NOTCH2: variants seen among roughly 807,000 people sequenced by gnomAD.
NOTCH2 encodes neurogenic locus notch homolog protein 2.
In NOTCH2, 29 loss-of-function variants were observed where a neutral mutation model predicts 235.8. That is an observed-to-expected ratio of 0.12 (90% CI 0.09 to 0.17). NOTCH2 has a LOEUF of 0.17. NOTCH2 is among the 10% of genes least tolerant of loss of function. The pLI is 1.00. For missense variants in NOTCH2, 2,285 were observed against 3,150.2 expected (o/e 0.73, Z 6.57); for synonymous variants, 1,086 against 1,141.5 (o/e 0.95, Z 0.98).
intron 30 of NOTCH2, 69 bp from the exon 31 acceptor site, chr1:119,919,682 C>T (rs1649204654): frequency 7.0e-7 from 1 of 1,433,776 alleles, no homozygotes; most frequent in Non-Finnish European, 9.7e-7. Flanking sequence ...GTTGAAACAG[C>T]TCTATTTGAC....
At chr1:119,986,818 A>G (rs1344806234) in intron 5 of NOTCH2, 142 bp downstream of exon 5, 2 of 1,022,374 alleles carry the variant, frequency 2.0e-6, no homozygotes, top group Non-Finnish European at 3.0e-6. Context: ...ATAAGCAATG[A>G]TCTAGCATGG....
At chr1:119,999,727 C>CA (rs1652633407) in intron 3 of NOTCH2, among the ~76,000 whole-genome samples, 1 of 152,034 alleles carries the variant, frequency 6.6e-6, no homozygotes, top group South Asian at 2.1e-4. Context: ...TCTAAAAATA[C>CA]AAAAATTAGC....
At chr1:119,982,242 G>C (rs1651840405) in intron 5 of NOTCH2, among the ~76,000 whole-genome samples, 1 of 152,180 alleles carries the variant, frequency 6.6e-6, no homozygotes, top group African/African-American at 2.4e-5. Flanking sequence ...AGTTTTCTTT[G>C]ACTCATATCC....
chr1:119,925,119 A>G (rs909783358), intron 25 of NOTCH2, among the ~76,000 whole-genome samples, 186 bp downstream of exon 25: 4 of 152,212 alleles, frequency 2.6e-5, no homozygotes, highest in African/African-American at 9.6e-5. Context: ...TCATTATGCA[A>G]TGAGCATTCC....
intron 4 of NOTCH2, among the ~76,000 whole-genome samples, chr1:119,987,429 C>T (rs880001398): frequency 5.3e-5 from 8 of 152,182 alleles, no homozygotes; most frequent in African/African-American, 1.4e-4. Context: ...TTTTCCCCAG[C>T]TCCATACCAG....
chr1:120,006,220 G>C (rs1431750747), intron 2 of NOTCH2, among the ~76,000 whole-genome samples: 1 of 152,044 alleles, frequency 6.6e-6, no homozygotes, highest in Non-Finnish European at 1.5e-5. Context: ...TACAGGAATG[G>C]GGAAGAGTTC....
intron 15 of NOTCH2, chr1:119,950,194 C>T (rs991991859): frequency 3.2e-6 from 1 of 317,088 alleles, no homozygotes; most frequent in African/African-American, 2.2e-5. Flanking sequence ...TTCAAAGAGA[C>T]CTACAGGTAA....
chr1:120,012,374 ATAC>A lies in NOTCH2; in HGVS notation c.156-6789_156-6787del, dbSNP rs1653234612. 3.4e-5 allele frequency among the ~76,000 whole-genome samples: 5 copies of A among 145,646 alleles called. No homozygotes were observed. The South Asian group carries it at 9.1e-4, about 27-fold the overall frequency. On this transcript the variant is annotated intron_variant, in intron 2 of 33. Coordinates refer to ENST00000256646, the MANE Select transcript of NOTCH2 (RefSeq NM_024408.4). ...TGTGTACTTTTTTAGAAGCCACAAA[ATAC>A]TACTATGTGCTATGGAATACACACT...
chr1:119,983,829 G>T (rs1453048185), intron 5 of NOTCH2, among the ~76,000 whole-genome samples: 1 of 152,050 alleles, frequency 6.6e-6, no homozygotes, highest in African/African-American at 2.4e-5. Context: ...TAACTATCAG[G>T]TTCTTCTCAT....
intron 28 of NOTCH2, 48 bp from the exon 29 acceptor site, chr1:119,921,857 A>G: frequency 6.8e-7 from 1 of 1,474,982 alleles, no homozygotes; most frequent in Non-Finnish European, 9.5e-7. Flanking sequence ...TCATAAACTA[A>G]TACAGTGGTT....
rs1343237062 is a variant in NOTCH2, at chr1:119,949,062, G to A, written c.2544C>T (p.Cys848=). ...AACTCTCAAAATTTGGTGACTCTTTGCAAACAGCAGCATTCTCACAAGGGT... is the reference window on the plus strand; with the variant it reads ...AACTCTCAAAATTTGGTGACTCTTTACAAACAGCAGCATTCTCACAAGGGT... ...SPNPCENAAV[C]KESPNFESYT... is the part of the protein sequence containing the mutation. Residue 848 remains cysteine, a synonymous_variant, in exon 16 of 34, where the codon TGC becomes TGT. Transcript: ENST00000256646. The A allele has an allele frequency of 6.2e-7, 1 of 1,614,172 alleles. No individual in the cohort carries two copies. Among genetic ancestry groups the A allele is most frequent in the Non-Finnish European group, 8.5e-7 (1 of 1,180,008 alleles).
At chr1:120,038,117 T>C (rs1654387219) in intron 1 of NOTCH2, among the ~76,000 whole-genome samples, 1 of 152,162 alleles carries the variant, frequency 6.6e-6, no homozygotes. Flanking sequence ...TTTCCTTTTA[T>C]TTTTCTCTTA....
chr1:120,066,176 T>A lies in NOTCH2; in HGVS notation c.73+3158A>T, dbSNP rs2799247. ...CTATATCTCTTACGTTAGCAATTTT[T>A]AAATTCCTTGAGTCAGAAGCGTTAA... is the stretch of plus-strand genomic sequence containing the variant. On this transcript the variant is annotated intron_variant, in intron 1 of 33. Transcript: ENST00000256646. Among the ~76,000 whole-genome samples the A allele has an allele frequency of 4.6e-5, 7 of 152,350 alleles. No individual in the cohort carries two copies. In the East Asian group the frequency reaches 7.7e-4, roughly 17 times the overall value.
chr1:120,038,122 CTCT>C (rs1292315715), intron 1 of NOTCH2, among the ~76,000 whole-genome samples: 14 of 151,588 alleles, frequency 9.2e-5, no homozygotes, highest in African/African-American at 3.1e-4. Context: ...TTTTATTTTT[CTCT>C]TATTAAAGAC....
chr1:120,029,222 G>A (rs587672437), intron 2 of NOTCH2, among the ~76,000 whole-genome samples: 20 of 149,734 alleles, frequency 1.3e-4, no homozygotes, highest in African/African-American at 4.4e-4. Context: ...ATACTGGGCC[G>A]AATATTAAAG....
rs960801500 is a variant in NOTCH2, at chr1:119,954,797, G to T, written c.2219+243C>A. On this transcript the variant is annotated intron_variant, in intron 13 of 33. Coordinates refer to ENST00000256646, the MANE Select transcript of NOTCH2 (RefSeq NM_024408.4). ...TATGGGTTCCTCCCATGAGGTCCTT[G>T]CTAATGACCCATATAAGGGAGACAT... 2.0e-5 allele frequency among the ~76,000 whole-genome samples: 3 copies of T among 152,176 alleles called. No individual in the cohort carries two copies. In the East Asian group the frequency reaches 5.8e-4, roughly 29 times the overall value.
chr1:119,959,272 C>A, intron 12 of NOTCH2, 120 bp downstream of exon 12: 1 of 722,378 alleles, frequency 1.4e-6, no homozygotes, highest in East Asian at 2.6e-5. Flanking sequence ...GAGAAACAGA[C>A]TACTAACCCT....
At chr1:119,933,473 T>C (rs1649736602) in intron 22 of NOTCH2, among the ~76,000 whole-genome samples, 1 of 152,214 alleles carries the variant, frequency 6.6e-6, no homozygotes. Flanking sequence ...AAGAAATTCA[T>C]ACCTACATAC....
chr1:119,915,275 A>G lies in NOTCH2; in HGVS notation c.*31T>C, dbSNP rs1264557409. The G allele has an allele frequency of 6.2e-6, 10 of 1,608,496 alleles. No individual in the cohort carries two copies. Among genetic ancestry groups the G allele is most frequent in the Non-Finnish European group, 7.6e-6 (9 of 1,177,430 alleles). On this transcript the variant is annotated 3_prime_UTR_variant, in exon 34 of 34. Coordinates refer to ENST00000256646, the MANE Select transcript of NOTCH2 (RefSeq NM_024408.4). ...TTCCTCAGCAGCATTTACAAAAGTC[A>G]GTTATGTCTCTACACTGGAGGTGGA...
Sources: allele counts gnomAD v4.1 joint callset (sites outside exome capture counted in the v4.1 genomes callset), GRCh38; gene constraint gnomAD v4.1.1; transcripts MANE v1.5; gene names NCBI Gene and HGNC (gene_info 2026-07-23, HGNC 2026-07-21).